Variants in PCDH11X observed in about 807,000 individuals in gnomAD.
The protein encoded by PCDH11X is protocadherin 11 X-linked.
In PCDH11X, 18 loss-of-function variants were observed where a neutral mutation model predicts 53.3. That is an observed-to-expected ratio of 0.34 (90% CI 0.23 to 0.50). The LOEUF is 0.50. Ranked by LOEUF, PCDH11X falls within the 20% of genes least tolerant of loss-of-function variation. The probability of loss-of-function intolerance (pLI) is 0.98; values close to 1 mark genes in which losing one functional copy is unlikely to be tolerated. For synonymous variants in PCDH11X, 279 were observed against 393.3 expected, an observed-to-expected ratio of 0.71 and a Z score of 3.44; for missense variants, 570 against 1,032.4, an observed-to-expected ratio of 0.55 and a Z score of 6.14.
intron 10 of PCDH11X, among the ~76,000 whole-genome samples, chrX:92,532,717 G>C (rs4020612): frequency 0.022 from 2,367 of 106,497 alleles, 117 homozygotes; most frequent in African/African-American, 0.08. Context: ...CACCAATTCT[G>C]CCCCTGTATT....
intron 8 of PCDH11X, among the ~76,000 whole-genome samples, chrX:92,264,071 A>G (rs2067773361): frequency 8.9e-6 from 1 of 112,023 alleles, no homozygotes; most frequent in African/African-American, 3.2e-5. Context: ...TTAAAGATGA[A>G]TTATCTTATT....
chrX:92,005,462 A>T (rs1290291486), intron 6 of PCDH11X, among the ~76,000 whole-genome samples: 1 of 111,845 alleles, frequency 8.9e-6, no homozygotes, highest in Non-Finnish European at 1.9e-5. Flanking sequence ...TATAACAAGC[A>T]AAAAGAAAGA....
chrX:92,276,859 C>T (rs2148437190), intron 8 of PCDH11X, among the ~76,000 whole-genome samples: 1 of 111,376 alleles, frequency 9.0e-6, no homozygotes, highest in Non-Finnish European at 1.9e-5. Context: ...ATGAACTGGG[C>T]TGGATTTTTA....
intron 10 of PCDH11X, among the ~76,000 whole-genome samples, chrX:92,548,644 T>A (rs1602307622): frequency 1.8e-5 from 2 of 110,120 alleles, no homozygotes; most frequent in Admixed American, 2.0e-4. Context: ...AAGCTTTCCT[T>A]TCAGCCATTT....
chrX:92,180,809 C>T (rs112018446), intron 6 of PCDH11X, among the ~76,000 whole-genome samples: 78 of 111,764 alleles, frequency 7.0e-4, no homozygotes, highest in African/African-American at 1.9e-3. Flanking sequence ...TATGGCCTTC[C>T]GCCATGATTT....
intron 6 of PCDH11X, among the ~76,000 whole-genome samples, chrX:92,076,648 C>T (rs1193503600): frequency 1.8e-5 from 2 of 111,623 alleles, no homozygotes; most frequent in African/African-American, 6.5e-5. Context: ...TATGTAAAAT[C>T]TTCAAGTTAT....
intron 6 of PCDH11X, among the ~76,000 whole-genome samples, chrX:91,978,208 A>T (rs1032701843): frequency 1.8e-5 from 2 of 109,718 alleles, no homozygotes; most frequent in Admixed American, 9.8e-5. Flanking sequence ...AGTTATACCT[A>T]GTCCCGTTAG....
At chrX:91,993,742 ACTGCTTTAAAAGG>A (rs2147947119) in intron 6 of PCDH11X, among the ~76,000 whole-genome samples, 1 of 111,677 alleles carries the variant, frequency 9.0e-6, no homozygotes, top group South Asian at 3.8e-4. Context: ...GACTGACAAA[ACTGCTTTAAAAGG>A]CTGCTTTCGG....
intron 9 of PCDH11X, among the ~76,000 whole-genome samples, chrX:92,433,261 G>A (rs2072291697): frequency 9.0e-6 from 1 of 111,108 alleles, no homozygotes; most frequent in Non-Finnish European, 1.9e-5. Context: ...TTCCTGCATT[G>A]AGCCTGACCC....
intron 6 of PCDH11X, among the ~76,000 whole-genome samples, chrX:92,008,477 G>A (rs1421060038): frequency 1.8e-5 from 2 of 110,760 alleles, no homozygotes; most frequent in Admixed American, 1.9e-4. Flanking sequence ...TCTCTCCTTC[G>A]GTGTCCAGAG....
intron 8 of PCDH11X, among the ~76,000 whole-genome samples, chrX:92,365,593 G>C (rs980863252): frequency 9.0e-6 from 1 of 110,975 alleles, no homozygotes; most frequent in African/African-American, 3.3e-5. Flanking sequence ...AATGCATTGT[G>C]CTATGATGTT....
chrX:92,014,984 A>G (rs76923897), intron 6 of PCDH11X, among the ~76,000 whole-genome samples: 1 of 111,238 alleles, frequency 9.0e-6, no homozygotes, highest in African/African-American at 3.3e-5. Flanking sequence ...ATGTTTACAT[A>G]TGGAACAAAC....
At chrX:92,354,648 T>A (rs1378323297) in intron 8 of PCDH11X, among the ~76,000 whole-genome samples, 6 of 111,751 alleles carry the variant, frequency 5.4e-5, no homozygotes, top group Non-Finnish European at 1.1e-4. Context: ...TTATTATGAA[T>A]TCTGTACTCC....
At chrX:91,937,641 T>C (rs1221893246) in intron 6 of PCDH11X, among the ~76,000 whole-genome samples, 1 of 110,507 alleles carries the variant, frequency 9.0e-6, no homozygotes, top group Non-Finnish European at 1.9e-5. Context: ...ACTGTATGGA[T>C]AGGAAGAGTG....
At chrX:91,924,539 C>T (rs1455076209) in intron 6 of PCDH11X, among the ~76,000 whole-genome samples, 1 of 111,799 alleles carries the variant, frequency 8.9e-6, no homozygotes, top group East Asian at 2.8e-4. Context: ...AATACACGCA[C>T]ACACACACAA....
intron 6 of PCDH11X, among the ~76,000 whole-genome samples, chrX:92,086,293 GAT>G (rs1249927476): frequency 9.0e-6 from 1 of 110,776 alleles, no homozygotes; most frequent in Non-Finnish European, 1.9e-5. Flanking sequence ...ATATAATAAA[GAT>G]ATATCATTTC....
chrX:92,339,152 A>C (rs1433784863), intron 8 of PCDH11X, among the ~76,000 whole-genome samples: 1 of 112,281 alleles, frequency 8.9e-6, no homozygotes, highest in Non-Finnish European at 1.9e-5. Context: ...AAAGTGGACA[A>C]AAACAAGCCA....
intron 9 of PCDH11X, among the ~76,000 whole-genome samples, chrX:92,416,054 T>C (rs1264622743): frequency 2.7e-5 from 3 of 111,243 alleles, no homozygotes; most frequent in African/African-American, 9.8e-5. Flanking sequence ...AAAGATTTGC[T>C]ATTGTGTGTA....
At chrX:92,083,758 A>C (rs2148106159) in intron 6 of PCDH11X, among the ~76,000 whole-genome samples, 1 of 110,971 alleles carries the variant, frequency 9.0e-6, no homozygotes, top group Non-Finnish European at 1.9e-5. Flanking sequence ...TTAATGAATA[A>C]TTTTAAAATC....
Sources: gnomAD v4.1 joint callset for allele counts (sites outside exome capture counted in the v4.1 genomes callset) on GRCh38, gnomAD v4.1.1 for gene constraint, MANE v1.5 for transcripts, NCBI Gene and HGNC (gene_info 2026-07-23, HGNC 2026-07-21) for gene names.